Variants in S100A12 observed in about 807,000 individuals in gnomAD.
The protein encoded by S100A12 is protein S100-A12.
In S100A12, 3 loss-of-function variants were observed where a neutral mutation model predicts 4.0. The observed-to-expected ratio is 0.75, with a 90% confidence interval of 0.34 to 1.94. The LOEUF (loss-of-function observed/expected upper bound fraction) is 1.94, where lower values mean the gene tolerates loss of function less well. Ranked by LOEUF, S100A12 falls within the 30% of genes most tolerant of loss-of-function variation. S100A12 has a pLI of 0.07. For missense variants in S100A12, 122 were observed against 107.0 expected, an observed-to-expected ratio of 1.14 and a Z score of -0.62; for synonymous variants, 50 against 41.4, an observed-to-expected ratio of 1.21 and a Z score of -0.79.
Position 153,373,776 on chromosome 1 carries a change from A to C in S100A12, c.*51T>G. ...AAGGCTGGGTTTTGGTGAGGGAAAG[A>C]AAAGACCCTCATTGAGGACATTGCT... On this transcript the variant is annotated 3_prime_UTR_variant, in exon 3 of 3. Coordinates refer to ENST00000368737, the MANE Select transcript of S100A12 (RefSeq NM_005621.2). 1 of 1,531,974 alleles carries C rather than the reference A, an allele frequency of 6.5e-7. No homozygotes were observed. The highest frequency in any genetic ancestry group is 9.0e-7 in the Non-Finnish European group (1 of 1,109,118). 94.9% of individuals were successfully genotyped at this position (1,531,974 alleles called of 1,614,324 possible).
intron 1 of S100A12, among the ~76,000 whole-genome samples, 158 bp downstream of exon 1, chr1:153,375,394 A>G (rs1309545891): frequency 6.6e-6 from 1 of 152,156 alleles, no homozygotes; most frequent in Non-Finnish European, 1.5e-5. Context: ...ATAGCACAAC[A>G]AGAGCTGATC....
At position 153,373,957 on chromosome 1, in the gene S100A12, T is replaced by C. The variant is rs1400640574; in HGVS notation, c.149A>G (p.Asp50Gly). 1.2e-6 allele frequency: 2 copies of C among 1,613,794 alleles called. No individual in the cohort carries two copies. Among genetic ancestry groups the C allele is most frequent in the Non-Finnish European group, 1.7e-6 (2 of 1,179,774 alleles). The change falls in exon 3 of 3, where the codon GAT (aspartate) becomes GGT (glycine). Residue 50 changes from aspartate (D) to glycine (G), a missense_variant. Asp to Gly is a moderately conservative substitution (Grantham distance 94, BLOSUM62 -1). Transcript: ENST00000368737. ...ELANTIKNIK[D>G]KAVIDEIFQG... ...GAATATTTCATCAATGACAGCTTTA[T>C]CTTTGATATTCTAGGAAAAAAGGAC...
rs761048858 is a variant in S100A12, at chr1:153,373,898, C to A, written c.208G>T (p.Asp70Tyr). The change falls in exon 3 of 3, where the codon GAC (aspartate) becomes TAC (tyrosine). Residue 70 changes from aspartate to tyrosine, a missense_variant. Coordinates refer to ENST00000368737, the MANE Select transcript of S100A12 (RefSeq NM_005621.2). ...GLDANQDEQV[D>Y]FQEFISLVAI... ...ACCAGGGATATGAATTCTTGAAAGTCGACCTGTTCATCTTGATTAGCATCC... is the reference window on the plus strand; with the variant it reads ...ACCAGGGATATGAATTCTTGAAAGTAGACCTGTTCATCTTGATTAGCATCC... 5.0e-6 allele frequency: 8 copies of A among 1,612,588 alleles called. No individual in the cohort carries two copies. The highest frequency in any genetic ancestry group is 2.2e-5 in the East Asian group (1 of 44,876).
chr1:153,373,891 TGA>T lies in S100A12; in HGVS notation c.213_214del (p.Phe71LeufsTer55), dbSNP rs760771764. 15 of 1,613,174 alleles carry T rather than the reference TGA, an allele frequency of 9.3e-6. No homozygotes were observed. Among genetic ancestry groups the T allele is most frequent in the Non-Finnish European group, 1.3e-5 (15 of 1,179,204 alleles). ...AATGGCTACCAGGGATATGAATTCT[TGA>T]AAGTCGACCTGTTCATCTTGATTAG... On this transcript the variant is annotated frameshift_variant, in exon 3 of 3. Coordinates refer to ENST00000368737, the MANE Select transcript of S100A12 (RefSeq NM_005621.2). LOFTEE classifies it low-confidence loss of function (END_TRUNC).
chr1:153,373,940 C>A lies in S100A12; in HGVS notation c.166G>T (p.Glu56Ter). 1 of 1,613,700 alleles carries A rather than the reference C, an allele frequency of 6.2e-7. No individual in the cohort carries two copies. The highest frequency in any genetic ancestry group is 8.5e-7 in the Non-Finnish European group (1 of 1,179,572). Residue 56 changes from glutamate (E) to a stop codon, truncating the protein, a stop_gained, in exon 3 of 3, where the codon GAA (glutamate) becomes TAA (stop). Coordinates refer to ENST00000368737, the MANE Select transcript of S100A12 (RefSeq NM_005621.2). LOFTEE classifies it low-confidence loss of function (END_TRUNC). ...KNIKDKAVIDEIFQGLDANQD... is the reference protein window; with the variant it reads ...KNIKDKAVID The stretch of plus-strand genomic sequence containing the variant: ...TTAGCATCCAGGCCTTGGAATATTT[C>A]ATCAATGACAGCTTTATCTTTGATA...
intron 1 of S100A12, among the ~76,000 whole-genome samples, chr1:153,375,328 G>C (rs949698805): frequency 6.6e-6 from 1 of 152,124 alleles, no homozygotes; most frequent in South Asian, 2.1e-4. Context: ...GATTACAGGC[G>C]TGAGCCACCG....
chr1:153,374,150 A>G, intron 2 of S100A12, 183 bp from the exon 3 acceptor site: 1 of 730,798 alleles, frequency 1.4e-6, no homozygotes, highest in Admixed American at 2.0e-5. Context: ...CCACCCTGGA[A>G]TTAACAAGGC....
In S100A12 at chr1:153,374,532, G is replaced by T. The variant is rs762810630; in HGVS notation, c.61C>A (p.Arg21=). 1 of 1,613,668 alleles carries T rather than the reference G, an allele frequency of 6.2e-7. No individual in the cohort carries two copies. The highest frequency in any genetic ancestry group is 2.2e-5 in the East Asian group (1 of 44,890). ...GAGAGGGTGTCAAAATGCCCCTTCC[G>T]AACTGAGTATTGGTGGAAGATATTG... ...IVNIFHQYSV[R]KGHFDTLSKG... The change falls in exon 2 of 3, where the codon CGG becomes AGG. Residue 21 remains arginine (R), a synonymous_variant. Coordinates refer to ENST00000368737, the MANE Select transcript of S100A12 (RefSeq NM_005621.2).
chr1:153,374,332 T>C, intron 2 of S100A12, 123 bp downstream of exon 2: 1 of 900,518 alleles, frequency 1.1e-6, no homozygotes, highest in African/African-American at 1.7e-5. Flanking sequence ...GAGAGCATCC[T>C]TTGGGAGCTC....
Position 153,373,799 on chromosome 1 carries a change from G to T in S100A12, c.*28C>A, listed in dbSNP as rs1178184079. 1 of 1,603,676 alleles carries T rather than the reference G, an allele frequency of 6.2e-7. No homozygotes were observed. The highest frequency in any genetic ancestry group is 8.5e-7 in the Non-Finnish European group (1 of 1,170,766). On this transcript the variant is annotated 3_prime_UTR_variant, in exon 3 of 3. Coordinates refer to ENST00000368737, the MANE Select transcript of S100A12 (RefSeq NM_005621.2). The stretch of plus-strand genomic sequence containing the variant: ...AGAAAAGACCCTCATTGAGGACATT[G>T]CTGGGTAAAAAGCCTTCAGAGAGCT...
Position 153,374,480 on chromosome 1 carries a change from G to A in S100A12, c.113C>T (p.Thr38Ile). The A allele has an allele frequency of 1.9e-6, 3 of 1,613,994 alleles. No individual in the cohort carries two copies. Among genetic ancestry groups the A allele is most frequent in the Non-Finnish European group, 2.5e-6 (3 of 1,179,932 alleles). ...CTTGATGGTGTTTGCAAGCTCCTTT[G>A]TAAGCAGCTGCTTCAGCTCACCCTT... ...LSKGELKQLL[T>I]KELANTIKNI... Residue 38 changes from threonine to isoleucine, a missense_variant, in exon 2 of 3, where the codon ACA becomes ATA. By Grantham distance (89) the Thr-to-Ile change is moderately conservative (BLOSUM62 -1). Coordinates refer to ENST00000368737, the MANE Select transcript of S100A12 (RefSeq NM_005621.2).
chr1:153,373,735 C>T lies in S100A12; in HGVS notation c.*92G>A, dbSNP rs993900101. 2 of 1,096,378 alleles carry T rather than the reference C, an allele frequency of 1.8e-6. No homozygotes were observed. The highest frequency in any genetic ancestry group is 2.7e-6 in the Non-Finnish European group (2 of 730,944). 67.9% of individuals were successfully genotyped at this position (1,096,378 alleles called of 1,614,324 possible). The stretch of plus-strand genomic sequence containing the variant: ...CTTTTCGTGAGTGTGTTTATTAACT[C>T]TTACTCCCCACGGGCAAGGCTGGGT... On this transcript the variant is annotated 3_prime_UTR_variant, in exon 3 of 3. Coordinates refer to ENST00000368737, the MANE Select transcript of S100A12 (RefSeq NM_005621.2).
At position 153,373,910 on chromosome 1, in the gene S100A12, C is replaced by A. The variant is rs146780107; in HGVS notation, c.196G>T (p.Asp66Tyr). 48 of 1,612,934 alleles carry A rather than the reference C, an allele frequency of 3.0e-5. No individual in the cohort carries two copies. Among genetic ancestry groups the A allele is most frequent in the Middle Eastern group, 3.3e-4 (2 of 6,084 alleles). The change falls in exon 3 of 3, where the codon GAT (aspartate) becomes TAT (tyrosine). Residue 66 changes from aspartate to tyrosine, a missense_variant. Asp to Tyr is a radical substitution (Grantham distance 160). Coordinates refer to ENST00000368737, the MANE Select transcript of S100A12 (RefSeq NM_005621.2). ...EIFQGLDANQ[D>Y]EQVDFQEFIS... ...AATTCTTGAAAGTCGACCTGTTCAT[C>A]TTGATTAGCATCCAGGCCTTGGAAT...
chr1:153,374,713 A>C (rs1661689909), intron 1 of S100A12, 101 bp from the exon 2 acceptor site: 4 of 744,268 alleles, frequency 5.4e-6, no homozygotes, highest in Non-Finnish European at 9.1e-6. Context: ...AAAACATAAC[A>C]TCCTCCATAT....
chr1:153,374,112 A>T (rs1380101711), intron 2 of S100A12, 145 bp from the exon 3 acceptor site: 30 of 825,924 alleles, frequency 3.6e-5, no homozygotes, highest in South Asian at 2.1e-4. Context: ...ATCCAGTGTA[A>T]CAAAACAGAG....
In S100A12 at chr1:153,374,575, C is replaced by T. The variant is rs146698875; in HGVS notation, c.18G>A (p.Glu6=). MTKLE[E]HLEGIVNIFH... ...AGATATTGACAATTCCCTCCAGATG[C>T]TCTTCAAGTTTTGTCATCTTCCCAG... The change falls in exon 2 of 3, where the codon GAG becomes GAA. Residue 6 remains glutamate, a synonymous_variant. Coordinates refer to ENST00000368737, the MANE Select transcript of S100A12 (RefSeq NM_005621.2). 763 of 1,613,878 alleles carry T rather than the reference C, an allele frequency of 4.7e-4. 6 individuals carry two copies. The African/African-American group carries it at 8.1e-3, about 17-fold the overall frequency.
intron 1 of S100A12, among the ~76,000 whole-genome samples, chr1:153,375,098 G>T (rs556375920): frequency 1.3e-5 from 2 of 152,176 alleles, no homozygotes; most frequent in Non-Finnish European, 2.9e-5. Context: ...CCAGGCTGGA[G>T]TGCAGTAGGG....
chr1:153,374,100 G>T, intron 2 of S100A12, 133 bp from the exon 3 acceptor site: 3 of 859,258 alleles, frequency 3.5e-6, no homozygotes, highest in South Asian at 1.3e-5. Context: ...CTGTGTTGGA[G>T]AATCCAGTGT....
At position 153,374,569 on chromosome 1, in the gene S100A12, C is replaced by T. The variant is rs1239160023; in HGVS notation, c.24G>A (p.Leu8=). The T allele has an allele frequency of 6.2e-7, 1 of 1,613,822 alleles. No homozygotes were observed. The highest frequency in any genetic ancestry group is 2.2e-5 in the East Asian group (1 of 44,886). The change falls in exon 2 of 3, where the codon CTG becomes CTA. Residue 8 remains leucine (L), a synonymous_variant. Coordinates refer to ENST00000368737, the MANE Select transcript of S100A12 (RefSeq NM_005621.2). MTKLEEH[L]EGIVNIFHQY... is the part of the protein sequence containing the mutation. ...GGTGGAAGATATTGACAATTCCCTCCAGATGCTCTTCAAGTTTTGTCATCT... is the reference window on the plus strand; with the variant it reads ...GGTGGAAGATATTGACAATTCCCTCTAGATGCTCTTCAAGTTTTGTCATCT...
Sources: allele counts gnomAD v4.1 joint callset (sites outside exome capture counted in the v4.1 genomes callset), GRCh38; gene constraint gnomAD v4.1.1; transcripts MANE v1.5; gene names NCBI Gene and HGNC (gene_info 2026-07-23, HGNC 2026-07-21).